ZNF438: variants seen among roughly 807,000 people sequenced by gnomAD.
The protein encoded by ZNF438 is zinc finger protein 438.
A neutral mutation model predicts 38.0 loss-of-function variants in ZNF438; 25 were observed. The ratio of observed to expected loss-of-function variants is 0.66; its 90% CI spans 0.48 to 0.92. ZNF438 has a LOEUF of 0.92. Ranked by LOEUF, ZNF438 falls within the 40% of genes least tolerant of loss-of-function variation. The pLI, the probability that ZNF438 is intolerant of heterozygous loss-of-function variation, is 0.00. For missense variants in ZNF438, 1,007 were observed against 999.6 expected, an observed-to-expected ratio of 1.01 and a Z score of -0.10; for synonymous variants, 372 against 364.1, an observed-to-expected ratio of 1.02 and a Z score of -0.25.
chr10:30,928,626 C>CT (rs2135193531), intron 2 of ZNF438, among the ~76,000 whole-genome samples: 1 of 151,058 alleles, frequency 6.6e-6, no homozygotes, highest in African/African-American at 2.4e-5. Context: ...ATTTAAAAGT[C>CT]TTATTTGTTC....
intron 1 of ZNF438, among the ~76,000 whole-genome samples, chr10:30,985,609 G>A (rs1339776295): frequency 1.3e-5 from 2 of 152,212 alleles, no homozygotes; most frequent in African/African-American, 2.4e-5. Flanking sequence ...TGTAGAATAT[G>A]AAACACTTGA....
chr10:31,023,827 T>G lies in ZNF438; in HGVS notation c.-192+8006A>C, dbSNP rs547389285. ...CCTCAAAGCCGGTCAGTCTCTAAACTCTAAGTTTAAAGCTGGCTAATCCTT... is the reference window on the plus strand; with the variant it reads ...CCTCAAAGCCGGTCAGTCTCTAAACGCTAAGTTTAAAGCTGGCTAATCCTT... On this transcript the variant is annotated intron_variant, in intron 1 of 5. Transcript: ENST00000413025. Among the ~76,000 whole-genome samples, 5 of 152,308 alleles carry G rather than the reference T, an allele frequency of 3.3e-5. No individual in the cohort carries two copies. The East Asian group carries it at 9.6e-4, about 29-fold the overall frequency.
intron 1 of ZNF438, among the ~76,000 whole-genome samples, chr10:30,973,326 T>C (rs1589509113): frequency 6.6e-6 from 1 of 152,214 alleles, no homozygotes; most frequent in Admixed American, 6.5e-5. Context: ...TCTGCCTTAC[T>C]TTGTAAGTCC....
At chr10:30,974,113 G>T (rs1479785767) in intron 1 of ZNF438, among the ~76,000 whole-genome samples, 3 of 152,192 alleles carry the variant, frequency 2.0e-5, no homozygotes, top group Admixed American at 6.5e-5. Context: ...ACATATCCCA[G>T]TGGAAAAGGT....
intron 4 of ZNF438, among the ~76,000 whole-genome samples, chr10:30,867,664 G>A (rs907737007): frequency 9.9e-5 from 15 of 152,152 alleles, no homozygotes; most frequent in Admixed American, 8.5e-4. Flanking sequence ...TGATGAGTAC[G>A]AGTGGGCAGG....
At chr10:30,923,972 T>C (rs1401672880) in intron 2 of ZNF438, among the ~76,000 whole-genome samples, 1 of 152,236 alleles carries the variant, frequency 6.6e-6, no homozygotes, top group African/African-American at 2.4e-5. Context: ...CATTAATGTC[T>C]TTCAATAAAA....
At chr10:30,844,894 A>G (rs968741103) in exon 6 of ZNF438, 2 of 1,546,010 alleles carry the variant, frequency 1.3e-6, no homozygotes, top group Admixed American at 1.9e-5. Context: ...GCACCACCAT[A>G]AAGCACGAAG....
intron 1 of ZNF438, among the ~76,000 whole-genome samples, chr10:30,992,950 A>C (rs1399576444): frequency 6.6e-6 from 1 of 152,194 alleles, no homozygotes; most frequent in African/African-American, 2.4e-5. Flanking sequence ...GAGTGGAAGA[A>C]ATTTCTAGCA....
chr10:30,958,070 C>T lies in ZNF438; in HGVS notation c.-191-16419G>A, dbSNP rs528947375. Among the ~76,000 whole-genome samples the T allele has an allele frequency of 1.6e-4, 23 of 146,648 alleles. 2 individuals carry two copies. The highest frequency in any genetic ancestry group is 4.1e-4 in the African/African-American group (17 of 41,146). On this transcript the variant is annotated intron_variant, in intron 1 of 5. Transcript: ENST00000413025. ...TTTTCCCAATGTTGCTTTGGCTACT[C>T]GAGGTCTTTTGTAGTTCCATTTTTG...
chr10:30,868,334 G>C (rs1318386133), intron 4 of ZNF438, among the ~76,000 whole-genome samples: 1 of 152,094 alleles, frequency 6.6e-6, no homozygotes, highest in Admixed American at 6.5e-5. Flanking sequence ...GCCTCCCAAA[G>C]TGCTGGGATT....
At chr10:30,888,524 C>T (rs1392151535) in intron 3 of ZNF438, among the ~76,000 whole-genome samples, 2 of 152,104 alleles carry the variant, frequency 1.3e-5, no homozygotes, top group Admixed American at 6.5e-5. Flanking sequence ...CCTCCTCCCA[C>T]CCTCCACCCT....
At chr10:31,002,108 A>G (rs1232253670) in intron 1 of ZNF438, among the ~76,000 whole-genome samples, 1 of 152,250 alleles carries the variant, frequency 6.6e-6, no homozygotes, top group African/African-American at 2.4e-5. Flanking sequence ...CAAGAAACAC[A>G]TAAGACTGAA....
chr10:30,981,340 GA>G (rs2136436976), intron 1 of ZNF438, among the ~76,000 whole-genome samples: 1 of 152,248 alleles, frequency 6.6e-6, no homozygotes, highest in East Asian at 1.9e-4. Context: ...TAGAAAAGCT[GA>G]AATAATCCGA....
At chr10:30,848,594 TGCA>T (rs1330454329) in exon 5 of ZNF438, 1 of 1,613,932 alleles carries the variant, frequency 6.2e-7, no homozygotes, top group South Asian at 1.1e-5. Context: ...GTCTCCTGGC[TGCA>T]GTTCACTGGG....
At chr10:30,883,040 TAAC>T (rs2039473332) in intron 3 of ZNF438, among the ~76,000 whole-genome samples, 2 of 152,214 alleles carry the variant, frequency 1.3e-5, no homozygotes, top group African/African-American at 2.4e-5. Context: ...ATAAAAGAAA[TAAC>T]AATGAGATAA....
At chr10:30,865,361 C>G (rs145884551) in intron 4 of ZNF438, among the ~76,000 whole-genome samples, 1 of 152,276 alleles carries the variant, frequency 6.6e-6, no homozygotes, top group African/African-American at 2.4e-5. Context: ...AGGCTCACAC[C>G]AGAATCTGAC....
intron 3 of ZNF438, among the ~76,000 whole-genome samples, chr10:30,901,808 A>G (rs566673606): frequency 6.6e-6 from 1 of 152,110 alleles, no homozygotes; most frequent in East Asian, 1.9e-4. Flanking sequence ...ACAGTTCTTA[A>G]AGGCGGTGTG....
chr10:30,879,638 T>C (rs1194132680), intron 3 of ZNF438, among the ~76,000 whole-genome samples: 1 of 152,058 alleles, frequency 6.6e-6, no homozygotes, highest in East Asian at 1.9e-4. Context: ...AAAATTCAAA[T>C]AAAATTTCTA....
At chr10:30,930,788 A>G (rs1400829982) in intron 2 of ZNF438, among the ~76,000 whole-genome samples, 1 of 135,130 alleles carries the variant, frequency 7.4e-6, no homozygotes, top group African/African-American at 2.9e-5. Context: ...GCCTGGCGAC[A>G]GAGAGAAACT....
Sources: gnomAD v4.1 joint callset for allele counts (sites outside exome capture counted in the v4.1 genomes callset) on GRCh38, gnomAD v4.1.1 for gene constraint, MANE v1.5 for transcripts, NCBI Gene and HGNC (gene_info 2026-07-23, HGNC 2026-07-21) for gene names.